UIMC1: variants seen among roughly 807,000 people sequenced by gnomAD.
UIMC1 encodes the protein ubiquitin interaction motif containing 1.
In UIMC1, 42 loss-of-function variants were observed where a neutral mutation model predicts 84.9. The observed-to-expected ratio is 0.49, with a 90% CI of 0.39 to 0.64. The LOEUF (loss-of-function observed/expected upper bound fraction) is 0.64, where lower values mean the gene tolerates loss of function less well. Among genes scored for constraint, UIMC1 ranks in the 30% least tolerant of loss-of-function variants. The pLI, the probability that UIMC1 is intolerant of heterozygous loss-of-function variation, is 0.00. For synonymous variants in UIMC1, 281 were observed against 293.0 expected (o/e 0.96, Z 0.42); for missense variants, 825 against 847.6 (o/e 0.97, Z 0.33).
rs557159667 is a variant in UIMC1 at position 176,936,831 on chromosome 5, C to T, written c.1597+6504G>A. ...TTCCCTGATCACCTATTTTATATTG[C>T]TACCTCCTGAGACCTCGGTATTCCC... On this transcript the variant is annotated intron_variant, in intron 10 of 14. Coordinates refer to ENST00000511320, the MANE Select transcript of UIMC1 (RefSeq NM_001199298.2). Among the ~76,000 whole-genome samples the T allele has an allele frequency of 1.6e-4, 24 of 152,286 alleles. No individual in the cohort carries two copies. The South Asian group carries it at 3.9e-3, about 25-fold the overall frequency.
rs373603505 is a variant in UIMC1 at position 176,905,232 on chromosome 5, T to G, written c.*50A>C. 1 of 1,594,120 alleles carries G rather than the reference T, an allele frequency of 6.3e-7. No homozygotes were observed. On this transcript the variant is annotated 3_prime_UTR_variant, in exon 15 of 15. Transcript: ENST00000511320. ...AGGGACCACTATGGCTTAATGAACA[T>G]GGCCCACCCCTCCTACTAATGGTTT...
At position 176,999,591 on chromosome 5, in the gene UIMC1, C is replaced by G. The variant is rs115724634; in HGVS notation, c.-9+7059G>C. Reference sequence around the variant, plus strand: ...CCAACCTCTAGTAACCATCCTTCTACTATCTCCATTAGCTCAACTGTTTTG... The same window carrying G: ...CCAACCTCTAGTAACCATCCTTCTAGTATCTCCATTAGCTCAACTGTTTTG... On this transcript the variant is annotated intron_variant, in intron 1 of 14. Coordinates refer to ENST00000511320, the MANE Select transcript of UIMC1 (RefSeq NM_001199298.2). Among the ~76,000 whole-genome samples, 739 of 151,666 alleles carry G rather than the reference C, an allele frequency of 4.9e-3. 8 individuals are homozygous for G. The highest frequency in any genetic ancestry group is 0.017 in the African/African-American group (707 of 41,412).
At chr5:176,935,313 G>A (rs10516138) in intron 10 of UIMC1, among the ~76,000 whole-genome samples, 12,782 of 151,968 alleles carry the variant, frequency 0.084, 778 homozygotes, top group Middle Eastern at 0.14. Context: ...TTAGCCTACC[G>A]TTCTCTTACA....
chr5:176,912,957 TGCGCCCG>T (rs1259675552), intron 10 of UIMC1, among the ~76,000 whole-genome samples: 3 of 152,218 alleles, frequency 2.0e-5, no homozygotes, highest in Non-Finnish European at 4.4e-5. Flanking sequence ...CGTGAGCCAC[TGCGCCCG>T]GCCAACTTGG....
At chr5:176,921,472 AATT>A (rs1347421223) in intron 10 of UIMC1, among the ~76,000 whole-genome samples, 2 of 152,158 alleles carry the variant, frequency 1.3e-5, no homozygotes, top group Non-Finnish European at 2.9e-5. Flanking sequence ...GGCATCTTAA[AATT>A]ATGTACAAAA....
At chr5:177,015,956 G>T (rs997559362) in intron 1 of UIMC1, among the ~76,000 whole-genome samples, 1 of 152,078 alleles carries the variant, frequency 6.6e-6, no homozygotes, top group Non-Finnish European at 1.5e-5. Flanking sequence ...TGTAATCCCA[G>T]CTACTCAGGC....
chr5:176,908,660 G>A lies in UIMC1; in HGVS notation c.1711C>T (p.Pro571Ser), dbSNP rs140374575. 9.3e-6 allele frequency: 15 copies of A among 1,613,682 alleles called. No homozygotes were observed. The African/African-American group carries it at 1.6e-4, about 17-fold the overall frequency. ...EKCYLCKSLVPFREYQCHVDS... is the reference protein window; with the variant it reads ...EKCYLCKSLVSFREYQCHVDS... ...ACATGACACTGATACTCTCTAAATG[G>A]GACCAGGGATTTACAGAGGTAACAC... Residue 571 changes from proline (P) to serine (S), a missense_variant, in exon 12 of 15, where the codon CCA becomes TCA. Pro to Ser is a moderately conservative substitution (Grantham distance 74). Coordinates refer to ENST00000511320, the MANE Select transcript of UIMC1 (RefSeq NM_001199298.2).
At chr5:176,923,908 C>G (rs1264442291) in intron 10 of UIMC1, among the ~76,000 whole-genome samples, 4 of 150,722 alleles carry the variant, frequency 2.7e-5, no homozygotes, top group South Asian at 2.1e-4. Context: ...CAGACACACA[C>G]ACACACACAC....
chr5:176,969,800 A>G, intron 4 of UIMC1, 94 bp from the exon 5 acceptor site: 2 of 989,112 alleles, frequency 2.0e-6, no homozygotes, highest in Non-Finnish European at 3.0e-6. Flanking sequence ...GCCACCGTTC[A>G]TAAGACTTTC....
chr5:177,019,629 A>G (rs1252430641), intron 1 of UIMC1, among the ~76,000 whole-genome samples: 1 of 145,260 alleles, frequency 6.9e-6, no homozygotes, highest in Non-Finnish European at 1.5e-5. Flanking sequence ...CTGTCTCGGA[A>G]AAAAAAAAAA....
chr5:176,920,138 C>G (rs1761524546), intron 10 of UIMC1, among the ~76,000 whole-genome samples: 2 of 152,158 alleles, frequency 1.3e-5, no homozygotes, highest in Admixed American at 1.3e-4. Context: ...TCTCCTGCCT[C>G]AGCCTCCTGA....
At chr5:176,963,278 T>C (rs923126114) in intron 6 of UIMC1, among the ~76,000 whole-genome samples, 8 of 151,706 alleles carry the variant, frequency 5.3e-5, no homozygotes, top group Non-Finnish European at 1.2e-4. Context: ...CCCAGAACTT[T>C]GGGAGGCCAA....
At chr5:176,973,510 G>A (rs1286842292) in intron 3 of UIMC1, among the ~76,000 whole-genome samples, 1 of 150,728 alleles carries the variant, frequency 6.6e-6, no homozygotes, top group Admixed American at 6.6e-5. Context: ...AGTCCAGGTG[G>A]TCGAAGCTGC....
chr5:177,013,361 AAC>A (rs6149367), intron 1 of UIMC1, among the ~76,000 whole-genome samples: 11,269 of 137,578 alleles, frequency 0.082, 566 homozygotes, highest in Non-Finnish European at 0.12. Flanking sequence ...ACTGCATCCA[AAC>A]ACACACACAC....
chr5:176,929,024 C>T (rs1453915053), intron 10 of UIMC1, among the ~76,000 whole-genome samples: 3 of 151,336 alleles, frequency 2.0e-5, no homozygotes, highest in South Asian at 2.1e-4. Context: ...GAGGCCAAGG[C>T]GGGTAGATTA....
At chr5:176,935,573 T>A (rs1028171632) in intron 10 of UIMC1, among the ~76,000 whole-genome samples, 8 of 152,158 alleles carry the variant, frequency 5.3e-5, no homozygotes, top group African/African-American at 1.9e-4. Context: ...ATTGTCAATA[T>A]CTCAGTAGCT....
At chr5:176,906,128 G>T in intron 13 of UIMC1, 81 bp from the exon 14 acceptor site, 1 of 1,364,508 alleles carries the variant, frequency 7.3e-7, no homozygotes. Context: ...TTGCTTCCGT[G>T]CTCTAGGCAC....
In UIMC1 at chr5:176,960,798, C is replaced by T. The variant is rs1268835140; in HGVS notation, c.1201-2644G>A. 6.5e-5 allele frequency among the ~76,000 whole-genome samples: 4 copies of T among 61,308 alleles called. 2 individuals carry two copies. The highest frequency in any genetic ancestry group is 2.5e-4 in the Admixed American group (2 of 7,928). The allele number at this position is 61,308 out of a possible 152,430, so 40.2% of individuals were successfully genotyped here. On this transcript the variant is annotated intron_variant, in intron 6 of 14. Coordinates refer to ENST00000511320, the MANE Select transcript of UIMC1 (RefSeq NM_001199298.2). ...CTGCGATTGCAGGCACGCGCCGCCA[C>T]GCCTGACTGGTTTTGGTGGAGACGG...
chr5:177,011,773 T>C (rs1581738499), upstream of UIMC1, among the ~76,000 whole-genome samples: 1 of 151,666 alleles, frequency 6.6e-6, no homozygotes, highest in South Asian at 2.1e-4. Context: ...GCTGGAGCCG[T>C]GGCAGAGGAA....
Sources: allele counts gnomAD v4.1 joint callset (sites outside exome capture counted in the v4.1 genomes callset), GRCh38; gene constraint gnomAD v4.1.1; transcripts MANE v1.5; gene names NCBI Gene and HGNC (gene_info 2026-07-23, HGNC 2026-07-21).